SH3PXD2A: variants seen among roughly 807,000 people sequenced by gnomAD.
The protein encoded by SH3PXD2A is SH3 and PX domain-containing protein 2A.
SH3PXD2A carries 32 observed loss-of-function variants against 115.2 expected under a neutral mutation model. That is an observed-to-expected ratio of 0.28 (90% CI 0.21 to 0.37). The LOEUF (loss-of-function observed/expected upper bound fraction) is 0.37, where lower values mean the gene tolerates loss of function less well. SH3PXD2A is among the 10% of genes least tolerant of loss of function. The pLI is 1.00. For synonymous variants in SH3PXD2A, 610 were observed against 629.1 expected (o/e 0.97, Z 0.45); for missense variants, 1,328 against 1,498.7 (o/e 0.89, Z 1.88).
At chr10:103,853,385 G>A (rs1399163656) in intron 1 of SH3PXD2A, among the ~76,000 whole-genome samples, 1 of 152,202 alleles carries the variant, frequency 6.6e-6, no homozygotes, top group Non-Finnish European at 1.5e-5. Context: ...CCAGGAACTG[G>A]GCTAAGTGCT....
At chr10:103,753,849 T>A (rs2038608634) in intron 3 of SH3PXD2A, 1 of 152,244 alleles carries the variant, frequency 6.6e-6, no homozygotes, top group African/African-American at 2.4e-5. Flanking sequence ...TACAGCCAAT[T>A]CAACGAATTG....
chr10:103,654,717 C>T (rs2037183206), intron 8 of SH3PXD2A, among the ~76,000 whole-genome samples: 1 of 152,162 alleles, frequency 6.6e-6, no homozygotes, highest in South Asian at 2.1e-4. Flanking sequence ...ATTCCTGGCC[C>T]TGAATTCCTT....
At chr10:103,617,355 G>C (rs781258648) in intron 10 of SH3PXD2A, 41 bp from the exon 11 acceptor site, 4 of 1,426,048 alleles carry the variant, frequency 2.8e-6, no homozygotes, top group Non-Finnish European at 4.0e-6. Flanking sequence ...TTGAGGTCGG[G>C]GTGCAGGTCC....
chr10:103,763,095 C>G (rs1283796763), intron 3 of SH3PXD2A, among the ~76,000 whole-genome samples: 1 of 152,148 alleles, frequency 6.6e-6, no homozygotes, highest in Non-Finnish European at 1.5e-5. Context: ...AAGACTGTGT[C>G]CTAGGTCCCA....
chr10:103,688,354 G>A (rs1006489435), intron 6 of SH3PXD2A, among the ~76,000 whole-genome samples: 2 of 152,224 alleles, frequency 1.3e-5, no homozygotes, highest in Non-Finnish European at 2.9e-5. Context: ...AGTGGACCCT[G>A]GGGCTGGTGC....
At chr10:103,691,344 G>A (rs2037748991) in intron 6 of SH3PXD2A, among the ~76,000 whole-genome samples, 1 of 152,110 alleles carries the variant, frequency 6.6e-6, no homozygotes, top group Non-Finnish European at 1.5e-5. Context: ...TTGTTTTAAA[G>A]AAAATGAGGA....
At chr10:103,633,076 C>T (rs1468040041) in intron 8 of SH3PXD2A, among the ~76,000 whole-genome samples, 1 of 152,228 alleles carries the variant, frequency 6.6e-6, no homozygotes, top group Non-Finnish European at 1.5e-5. Context: ...CAGCCCCACT[C>T]TGCACATGCT....
At chr10:103,837,326 G>GTC (rs2039554692) in intron 1 of SH3PXD2A, among the ~76,000 whole-genome samples, 1 of 152,184 alleles carries the variant, frequency 6.6e-6, no homozygotes, top group Non-Finnish European at 1.5e-5. Flanking sequence ...GAGGTTTTCA[G>GTC]TCCTAGCTCT....
At chr10:103,803,260 G>C (rs2039164713) in intron 1 of SH3PXD2A, among the ~76,000 whole-genome samples, 1 of 152,158 alleles carries the variant, frequency 6.6e-6, no homozygotes, top group African/African-American at 2.4e-5. Flanking sequence ...CCCTGATACA[G>C]AACATAAGGT....
At chr10:103,807,631 T>G (rs934351929) in intron 1 of SH3PXD2A, among the ~76,000 whole-genome samples, 1 of 152,232 alleles carries the variant, frequency 6.6e-6, no homozygotes, top group Non-Finnish European at 1.5e-5. Context: ...CTGTGCACCC[T>G]GGCTCAGGAC....
intron 8 of SH3PXD2A, among the ~76,000 whole-genome samples, chr10:103,658,442 C>T (rs2037242765): frequency 6.6e-6 from 1 of 152,210 alleles, no homozygotes; most frequent in African/African-American, 2.4e-5. Flanking sequence ...GCCTCACTCA[C>T]CACTCCTTCA....
At chr10:103,790,159 CTTT>C in intron 2 of SH3PXD2A, among the ~76,000 whole-genome samples, 1 of 144,926 alleles carries the variant, frequency 6.9e-6, no homozygotes, top group African/African-American at 2.5e-5. Context: ...AGAGGACTTT[CTTT>C]TTTTTTTTTT....
At chr10:103,699,610 G>T (rs1002767166) in intron 5 of SH3PXD2A, among the ~76,000 whole-genome samples, 11 of 152,038 alleles carry the variant, frequency 7.2e-5, no homozygotes, top group Non-Finnish European at 1.3e-4. Flanking sequence ...GAGAGTTGGG[G>T]TTTTTTTTCC....
chr10:103,676,182 T>C (rs915966778), intron 6 of SH3PXD2A, among the ~76,000 whole-genome samples: 3 of 152,358 alleles, frequency 2.0e-5, no homozygotes, highest in Admixed American at 2.0e-4. Flanking sequence ...TGATCCTCCC[T>C]GGCCACTGGC....
At chr10:103,811,966 T>C (rs61861111) in intron 1 of SH3PXD2A, among the ~76,000 whole-genome samples, 83,959 of 152,086 alleles carry the variant, frequency 0.55, 24,691 homozygotes, top group South Asian at 0.69. Flanking sequence ...TGACTTCCCT[T>C]CCCCTGCAAA....
chr10:103,851,364 G>A (rs1013265389), intron 1 of SH3PXD2A, among the ~76,000 whole-genome samples: 3 of 152,030 alleles, frequency 2.0e-5, no homozygotes, highest in East Asian at 1.9e-4. Flanking sequence ...ACAGTGACCC[G>A]CCTGCGTTGC....
intron 2 of SH3PXD2A, among the ~76,000 whole-genome samples, chr10:103,777,407 G>T (rs1478285591): frequency 6.6e-6 from 1 of 152,260 alleles, no homozygotes; most frequent in Non-Finnish European, 1.5e-5. Context: ...GCATCTAGAG[G>T]CCCCAGGGGA....
chr10:103,748,670 G>A (rs955523484), intron 3 of SH3PXD2A, among the ~76,000 whole-genome samples: 1 of 152,228 alleles, frequency 6.6e-6, no homozygotes, highest in Non-Finnish European at 1.5e-5. Flanking sequence ...TCCAGGTAGA[G>A]GGAGAGTCTG....
chr10:103,678,017 C>CTG, intron 6 of SH3PXD2A: 1 of 845,850 alleles, frequency 1.2e-6, no homozygotes, highest in Non-Finnish European at 1.7e-6. Context: ...GCAGAACACC[C>CTG]TGAAGGGCGT....
Sources: allele counts gnomAD v4.1 joint callset (sites outside exome capture counted in the v4.1 genomes callset), GRCh38; gene constraint gnomAD v4.1.1; transcripts MANE v1.5; gene names NCBI Gene and HGNC (gene_info 2026-07-23, HGNC 2026-07-21).